TMC7: variants seen among roughly 807,000 people sequenced by gnomAD.
TMC7 encodes the protein transmembrane channel like 7.
TMC7 carries 54 observed loss-of-function variants against 82.9 expected under a neutral mutation model. That is an observed-to-expected ratio of 0.65 (90% confidence interval 0.52 to 0.82). The LOEUF is 0.82. Among genes scored for constraint, TMC7 ranks in the 40% least tolerant of loss-of-function variants. TMC7 has a pLI of 0.00. For synonymous variants in TMC7, 350 were observed against 337.9 expected, an observed-to-expected ratio of 1.04 and a Z score of -0.39; for missense variants, 820 against 901.2, an observed-to-expected ratio of 0.91 and a Z score of 1.15.
intron 1 of TMC7, among the ~76,000 whole-genome samples, chr16:18,985,702 T>G (rs2038834854): frequency 1.3e-5 from 2 of 151,410 alleles, no homozygotes; most frequent in Admixed American, 1.3e-4. Context: ...AGATGAGTTT[T>G]TTTTTTTTTT....
chr16:19,047,258 C>A lies in TMC7; in HGVS notation c.1740+9C>A. The A allele has an allele frequency of 6.2e-7, 1 of 1,611,712 alleles. No individual in the cohort carries two copies. Among genetic ancestry groups the A allele is most frequent in the South Asian group, 1.1e-5 (1 of 90,716 alleles). ...TCTTCTATGTGAAAGAGGTAAGGAG[C>A]CGGTGGGAATGGGGGCTCATATACT... is the stretch of plus-strand genomic sequence containing the variant. On this transcript the variant is annotated intron_variant, in intron 12 of 15. Coordinates refer to ENST00000304381, the MANE Select transcript of TMC7 (RefSeq NM_024847.4).
intron 2 of TMC7, among the ~76,000 whole-genome samples, chr16:19,014,744 G>T (rs1959588910): frequency 1.3e-5 from 2 of 152,100 alleles, no homozygotes; most frequent in Admixed American, 1.3e-4. Context: ...TTGGACGTCA[G>T]CCTGTTTGCC....
At position 19,045,447 on chromosome 16, in the gene TMC7, G is replaced by A. The variant is rs12051270; in HGVS notation, c.1553+9G>A. 0.57 allele frequency: 916,671 copies of A among 1,599,934 alleles called. 271,152 individuals are homozygous for A. The highest frequency in any genetic ancestry group is 0.73 in the East Asian group (32,599 of 44,754). The stretch of plus-strand genomic sequence containing the variant: ...GTGGATTTTCCTAGAAAGTAAGTGC[G>A]AGGGGTGCCCATATTATCCCCCCCA... On this transcript the variant is annotated intron_variant, in intron 11 of 15. Coordinates refer to ENST00000304381, the MANE Select transcript of TMC7 (RefSeq NM_024847.4).
At chr16:19,009,662 G>A (rs2039302235) in intron 2 of TMC7, among the ~76,000 whole-genome samples, 2 of 151,666 alleles carry the variant, frequency 1.3e-5, no homozygotes, top group Admixed American at 6.6e-5. Context: ...TTTCCAGGCC[G>A]GGCGCGGTGG....
At chr16:19,051,065 G>A (rs1360470301) in intron 12 of TMC7, among the ~76,000 whole-genome samples, 2 of 152,074 alleles carry the variant, frequency 1.3e-5, no homozygotes, top group Non-Finnish European at 2.9e-5. Flanking sequence ...AGCCCCCACT[G>A]ATAGCTATTT....
chr16:19,056,548 T>C lies in TMC7; in HGVS notation c.1878T>C (p.Pro626=). 6.2e-7 allele frequency: 1 copy of C among 1,613,536 alleles called. No individual in the cohort carries two copies. Among genetic ancestry groups the C allele is most frequent in the Non-Finnish European group, 8.5e-7 (1 of 1,179,722 alleles). ...TTGGTCTGTGTCCTGGCAGCATCCCTTCCTCGAAAGCCTGTGGGCCGTTCA... is the reference window on the plus strand; with the variant it reads ...TTGGTCTGTGTCCTGGCAGCATCCCCTCCTCGAAAGCCTGTGGGCCGTTCA... ...IPLTISISRI[P]SSKACGPFTN... Residue 626 remains proline, a synonymous_variant, in exon 14 of 16, where the codon CCT becomes CCC. Transcript: ENST00000304381.
intron 1 of TMC7, among the ~76,000 whole-genome samples, chr16:18,995,356 C>T (rs922699289): frequency 5.3e-5 from 8 of 152,088 alleles, no homozygotes; most frequent in Non-Finnish European, 1.2e-4. Flanking sequence ...CGTGATGGTC[C>T]GGGAGGCTTC....
At chr16:19,006,480 G>A (rs376608917) in intron 1 of TMC7, among the ~76,000 whole-genome samples, 11 of 151,778 alleles carry the variant, frequency 7.2e-5, no homozygotes, top group African/African-American at 2.2e-4. Context: ...CACCGTGCCC[G>A]GCCCAGGGTG....
At chr16:19,047,289 A>G in intron 12 of TMC7, 40 bp downstream of exon 12, 1 of 1,584,146 alleles carries the variant, frequency 6.3e-7, no homozygotes, top group Non-Finnish European at 8.6e-7. Context: ...ATACTGGGCC[A>G]TTTTCGACCT....
At chr16:19,051,863 CT>C in intron 13 of TMC7, 47 bp downstream of exon 13, 2 of 1,596,822 alleles carry the variant, frequency 1.3e-6, no homozygotes, top group Non-Finnish European at 1.7e-6. Context: ...TTCTTGACCT[CT>C]TCCTCTTTTA....
chr16:19,052,667 AC>A (rs1961591914), intron 13 of TMC7, among the ~76,000 whole-genome samples: 2 of 152,146 alleles, frequency 1.3e-5, no homozygotes, highest in Non-Finnish European at 1.5e-5. Flanking sequence ...AAAAAAACAA[AC>A]AAAAAAATAG....
chr16:19,057,106 T>A lies in TMC7; in HGVS notation c.2027+409T>A, dbSNP rs775155833. 2.7e-4 allele frequency among the ~76,000 whole-genome samples: 41 copies of A among 152,054 alleles called. 1 individual carries two copies. Among genetic ancestry groups the A allele is most frequent in the Non-Finnish European group, 5.3e-4 (36 of 68,012 alleles). On this transcript the variant is annotated intron_variant, in intron 14 of 15. Coordinates refer to ENST00000304381, the MANE Select transcript of TMC7 (RefSeq NM_024847.4). Reference sequence around the variant, plus strand: ...GTGAGCCAAGATCATACCACTGCACTCCAGCCTGGGTGACAGAATAAGACC... The same window carrying A: ...GTGAGCCAAGATCATACCACTGCACACCAGCCTGGGTGACAGAATAAGACC...
At chr16:19,035,014 G>A (rs116628607) in intron 6 of TMC7, among the ~76,000 whole-genome samples, 1,806 of 152,214 alleles carry the variant, frequency 0.012, 15 homozygotes, top group Middle Eastern at 0.051. Context: ...GCAAAGAAAC[G>A]GAATCAACCT....
intron 1 of TMC7, among the ~76,000 whole-genome samples, chr16:18,996,228 A>G (rs1429049227): frequency 6.6e-6 from 1 of 152,034 alleles, no homozygotes; most frequent in African/African-American, 2.4e-5. Flanking sequence ...GAGAGGTCAG[A>G]TGAGTCTGTA....
At position 19,037,893 on chromosome 16, in the gene TMC7, G is replaced by T; in HGVS notation, c.1025G>T (p.Arg342Ile). 1 of 1,613,326 alleles carries T rather than the reference G, an allele frequency of 6.2e-7. No homozygotes were observed. Reference sequence around the variant, plus strand: ...CTTCAGGCAGATCTGGAGGAAGAAAGAATGCGGCAGAAAATAGCAGAAAGG... The same window carrying T: ...CTTCAGGCAGATCTGGAGGAAGAAATAATGCGGCAGAAAATAGCAGAAAGG... Reference protein sequence around the residue: ...YELRADLEEERMRQKIAERTS... With the variant: ...YELRADLEEEIMRQKIAERTS... The change falls in exon 8 of 16, where the codon AGA becomes ATA. Residue 342 changes from arginine to isoleucine, a missense_variant. Transcript: ENST00000304381.
intron 3 of TMC7, among the ~76,000 whole-genome samples, chr16:19,018,991 C>T (rs76322646): frequency 1.3e-5 from 2 of 152,308 alleles, no homozygotes; most frequent in South Asian, 4.1e-4. Flanking sequence ...GCTGAGACTA[C>T]AGGCACGTGC....
intron 2 of TMC7, among the ~76,000 whole-genome samples, chr16:19,012,980 C>A (rs1959459266): frequency 6.7e-6 from 1 of 150,202 alleles, no homozygotes; most frequent in Non-Finnish European, 1.5e-5. Context: ...GCATGCCTGG[C>A]TAATTTTGTA....
chr16:19,037,373 C>T lies in TMC7; in HGVS notation c.1006-501C>T, dbSNP rs111841326. Among the ~76,000 whole-genome samples the T allele has an allele frequency of 2.4e-3, 255 of 105,102 alleles. 1 individual carries two copies. Among genetic ancestry groups the T allele is most frequent in the African/African-American group, 9.1e-3 (240 of 26,238 alleles). The allele number at this position is 105,102 out of a possible 152,430, so 69.0% of individuals were successfully genotyped here. ...ACTGCACTCCAGCCTGGCAACAGAG[C>T]GAGACTCTGTCTCAAAAAAAAAAAA... On this transcript the variant is annotated intron_variant, in intron 7 of 15. Transcript: ENST00000304381.
At position 19,037,991 on chromosome 16, in the gene TMC7, G is replaced by A. The variant is rs1256185866; in HGVS notation, c.1123G>A (p.Ala375Thr). The A allele has an allele frequency of 2.5e-6, 4 of 1,613,936 alleles. No homozygotes were observed. Among genetic ancestry groups the A allele is most frequent in the East Asian group, 2.2e-5 (1 of 44,888 alleles). Reference sequence around the variant, plus strand: ...CTGTATTGTTCTGGCTGTTTTAGGGGCATGCTTTTATGCAATATACGTAGC... The same window carrying A: ...CTGTATTGTTCTGGCTGTTTTAGGGACATGCTTTTATGCAATATACGTAGC... ...LNCIVLAVLGACFYAIYVATV... is the reference protein window; with the variant it reads ...LNCIVLAVLGTCFYAIYVATV... The change falls in exon 8 of 16, where the codon GCA (alanine) becomes ACA (threonine). Residue 375 changes from alanine (A) to threonine (T), a missense_variant. Coordinates refer to ENST00000304381, the MANE Select transcript of TMC7 (RefSeq NM_024847.4).
Sources: gnomAD v4.1 joint callset for allele counts (sites outside exome capture counted in the v4.1 genomes callset) on GRCh38, gnomAD v4.1.1 for gene constraint, MANE v1.5 for transcripts, NCBI Gene and HGNC (gene_info 2026-07-23, HGNC 2026-07-21) for gene names.